ATP2B3: variants seen among roughly 807,000 people sequenced by gnomAD.
ATP2B3 encodes the protein plasma membrane calcium-transporting ATPase 3.
In ATP2B3, 12 loss-of-function variants were observed where a neutral mutation model predicts 70.8. The ratio of observed to expected loss-of-function variants is 0.17; its 90% CI spans 0.11 to 0.27. ATP2B3 has a LOEUF of 0.27. Among genes scored for constraint, ATP2B3 ranks in the 10% least tolerant of loss-of-function variants. The probability of loss-of-function intolerance (pLI) is 1.00; values close to 1 mark genes in which losing one functional copy is unlikely to be tolerated. For synonymous variants in ATP2B3, 460 were observed against 497.8 expected, an observed-to-expected ratio of 0.92 and a Z score of 1.01; for missense variants, 858 against 1,118.5, an observed-to-expected ratio of 0.77 and a Z score of 3.32.
chrX:153,573,408 C>A (rs1557020505), intron 21 of ATP2B3, among the ~76,000 whole-genome samples: 4 of 112,483 alleles, frequency 3.6e-5, no homozygotes, highest in Non-Finnish European at 7.5e-5. Context: ...TGAGCCAAGC[C>A]TCCCTACCTG....
chrX:153,573,058 G>A (rs781994048), intron 21 of ATP2B3, among the ~76,000 whole-genome samples: 1 of 112,625 alleles, frequency 8.9e-6, no homozygotes, highest in Non-Finnish European at 1.9e-5. Context: ...TACTGTTGGA[G>A]TCGTTCCTGA....
intron 3 of ATP2B3, among the ~76,000 whole-genome samples, chrX:153,538,970 G>A (rs972996465): frequency 8.8e-6 from 1 of 113,078 alleles, no homozygotes; most frequent in African/African-American, 3.2e-5. Context: ...CTGGGCATGT[G>A]AGGAGGGGCA....
intron 2 of ATP2B3, among the ~76,000 whole-genome samples, chrX:153,532,022 G>A (rs949504461): frequency 5.4e-5 from 6 of 112,018 alleles, no homozygotes; most frequent in Admixed American, 4.7e-4. Context: ...CCCAGCAAGG[G>A]CGGCCATGAC....
At chrX:153,549,251 G>A (rs1189542105) in intron 10 of ATP2B3, among the ~76,000 whole-genome samples, 1 of 106,013 alleles carries the variant, frequency 9.4e-6, no homozygotes, top group African/African-American at 3.5e-5. Flanking sequence ...AGGGCTGGTG[G>A]GTAACTGAGA....
intron 18 of ATP2B3, among the ~76,000 whole-genome samples, chrX:153,560,342 G>A (rs782044861): frequency 3.6e-5 from 4 of 110,740 alleles, no homozygotes; most frequent in Non-Finnish European, 7.6e-5. Context: ...CTGGGGTGCC[G>A]TGCTGGAAGC....
At chrX:153,548,511 G>T (rs1044939128) in intron 9 of ATP2B3, 129 bp from the exon 10 acceptor site, 1 of 599,928 alleles carries the variant, frequency 1.7e-6, no homozygotes, top group African/African-American at 2.2e-5. Flanking sequence ...ATCCTGAAAC[G>T]CAAGGCAAAT....
At chrX:153,578,839 A>G (rs1249724077) in intron 21 of ATP2B3, among the ~76,000 whole-genome samples, 4 of 112,500 alleles carry the variant, frequency 3.6e-5, no homozygotes, top group African/African-American at 1.3e-4. Context: ...GAGAGAGGAC[A>G]GGCGGAGTGA....
chrX:153,573,688 G>A (rs1286060462), intron 21 of ATP2B3, among the ~76,000 whole-genome samples: 1 of 112,832 alleles, frequency 8.9e-6, no homozygotes, highest in East Asian at 2.8e-4. Context: ...CCTGGGCAGA[G>A]ACCTCTCAAG....
Position 153,581,190 on chromosome X carries a change from G to C in ATP2B3, c.*892G>C, listed in dbSNP as rs1484127296. 1 of 108,027 alleles carries C rather than the reference G, an allele frequency of 9.3e-6. No individual in the cohort carries two copies. Among genetic ancestry groups the C allele is most frequent in the Non-Finnish European group, 1.9e-5 (1 of 52,220 alleles). The allele number at this position is 108,027 out of a possible 1,213,427, so 8.9% of individuals were successfully genotyped here. On this transcript the variant is annotated 3_prime_UTR_variant, in exon 22 of 22. Coordinates refer to ENST00000263519, the MANE Select transcript of ATP2B3 (RefSeq NM_001001344.3). ...CACCTTTCGCTCCTGCCCTCTGCCC[G>C]GCCCTACTGAGATTCCCAAGGAGAA...
intron 3 of ATP2B3, among the ~76,000 whole-genome samples, chrX:153,539,503 G>A (rs2090247642): frequency 8.8e-6 from 1 of 113,404 alleles, no homozygotes; most frequent in African/African-American, 3.2e-5. Context: ...GTTAGCATGC[G>A]CCTGTTCTCC....
At chrX:153,539,737 C>T (rs7058078) in intron 3 of ATP2B3, among the ~76,000 whole-genome samples, 7,121 of 112,778 alleles carry the variant, frequency 0.063, 552 homozygotes, top group African/African-American at 0.22. Flanking sequence ...GAGGGCTCCT[C>T]GGGATCAGCC....
intron 7 of ATP2B3, 125 bp downstream of exon 7, chrX:153,543,293 G>A (rs782580458): frequency 8.3e-6 from 8 of 961,524 alleles, no homozygotes; most frequent in Admixed American, 7.8e-5. Flanking sequence ...TGGGAGGCCG[G>A]GCCCTCTCTT....
intron 3 of ATP2B3, among the ~76,000 whole-genome samples, chrX:153,540,983 G>A (rs1319271500): frequency 8.9e-6 from 1 of 112,167 alleles, no homozygotes. Flanking sequence ...GTGCCCCCTT[G>A]TTGGGTCCTG....
At chrX:153,519,661 C>T (rs1248402069) in intron 2 of ATP2B3, among the ~76,000 whole-genome samples, 1 of 112,737 alleles carries the variant, frequency 8.9e-6, no homozygotes, top group African/African-American at 3.2e-5. Context: ...TTGTGGTCCC[C>T]GGCCATTGAT....
rs782365909 is a variant in ATP2B3 at position 153,580,247 on chromosome X, G to A, written c.3612G>A (p.Val1204=). The A allele has an allele frequency of 3.3e-6, 4 of 1,209,079 alleles. No individual in the cohort carries two copies. The highest frequency in any genetic ancestry group is 4.5e-6 in the Non-Finnish European group (4 of 894,851). ...THVTKSATSS[V]FSSSPGSPLH... ...TCACCAAGTCAGCTACCTCTTCAGTGTTTTCCTCCAGTCCCGGGAGCCCGC... is the reference window on the plus strand; with the variant it reads ...TCACCAAGTCAGCTACCTCTTCAGTATTTTCCTCCAGTCCCGGGAGCCCGC... The change falls in exon 22 of 22, where the codon GTG becomes GTA. Residue 1204 remains valine, a synonymous_variant. Coordinates refer to ENST00000263519, the MANE Select transcript of ATP2B3 (RefSeq NM_001001344.3).
At chrX:153,546,040 G>A in intron 7 of ATP2B3, 48 bp from the exon 8 acceptor site, 2 of 1,204,581 alleles carry the variant, frequency 1.7e-6, no homozygotes, top group Non-Finnish European at 1.1e-6. Context: ...GCGGCCCCCA[G>A]GCTGGTGTCC....
chrX:153,520,653 G>A (rs1185764026), intron 2 of ATP2B3, among the ~76,000 whole-genome samples: 1 of 112,841 alleles, frequency 8.9e-6, no homozygotes, highest in East Asian at 2.8e-4. Context: ...TGCGGCTGAG[G>A]CCCAGAGAGG....
chrX:153,568,425 C>A (rs1372153724), intron 21 of ATP2B3, among the ~76,000 whole-genome samples: 1 of 110,987 alleles, frequency 9.0e-6, no homozygotes, highest in Non-Finnish European at 1.9e-5. Flanking sequence ...GCAGGAAAGG[C>A]ATCTTTCCTA....
At chrX:153,542,287 G>A (rs368700900) in intron 5 of ATP2B3, 36 bp from the exon 6 acceptor site, 59 of 1,206,749 alleles carry the variant, frequency 4.9e-5, no homozygotes, top group Middle Eastern at 2.3e-4. Context: ...GGGAGGAGGC[G>A]GTGGGGAGAA....
Sources: allele counts gnomAD v4.1 joint callset (sites outside exome capture counted in the v4.1 genomes callset), GRCh38; gene constraint gnomAD v4.1.1; transcripts MANE v1.5; gene names NCBI Gene and HGNC (gene_info 2026-07-23, HGNC 2026-07-21).